Variants in CPQ observed in about 807,000 individuals in gnomAD.
CPQ encodes carboxypeptidase Q.
In CPQ, 37 loss-of-function variants were observed where a neutral mutation model predicts 45.7. The ratio of observed to expected loss-of-function variants is 0.81; its 90% CI spans 0.62 to 1.07. The LOEUF (loss-of-function observed/expected upper bound fraction) is 1.07, where lower values mean the gene tolerates loss of function less well. Among genes scored for constraint, CPQ ranks in the 50% least tolerant of loss-of-function variants. The pLI is 0.00. For missense variants in CPQ, 537 were observed against 572.9 expected (o/e 0.94, Z 0.64); for synonymous variants, 186 against 205.8 (o/e 0.90, Z 0.82).
intron 2 of CPQ, among the ~76,000 whole-genome samples, chr8:96,815,850 A>G (rs1470604686): frequency 6.6e-6 from 1 of 152,172 alleles, no homozygotes; most frequent in Non-Finnish European, 1.5e-5. Flanking sequence ...GTGTAATAGC[A>G]TTATGGCTAA....
intron 6 of CPQ, among the ~76,000 whole-genome samples, chr8:97,051,877 C>T (rs1363258234): frequency 6.6e-6 from 1 of 152,180 alleles, no homozygotes; most frequent in African/African-American, 2.4e-5. Context: ...TAGTGTCCAC[C>T]CCTCTCTGAG....
intron 7 of CPQ, among the ~76,000 whole-genome samples, chr8:97,133,784 C>A (rs1812001031): frequency 6.6e-6 from 1 of 152,068 alleles, no homozygotes; most frequent in African/African-American, 2.4e-5. Context: ...AAATCTGGGA[C>A]CTTTAATCAA....
intron 1 of CPQ, among the ~76,000 whole-genome samples, chr8:96,763,468 T>C (rs972323665): frequency 1.5e-4 from 23 of 152,134 alleles, no homozygotes; most frequent in Admixed American, 1.5e-3. Flanking sequence ...TGCTCTAATA[T>C]CATACTGTCT....
intron 2 of CPQ, among the ~76,000 whole-genome samples, chr8:96,827,802 A>G (rs1811398506): frequency 6.6e-6 from 1 of 152,058 alleles, no homozygotes; most frequent in South Asian, 2.1e-4. Context: ...AAGCCAGGGT[A>G]TATAGTGATA....
chr8:96,744,401 G>A (rs1024139155), intron 1 of CPQ, among the ~76,000 whole-genome samples: 1 of 152,208 alleles, frequency 6.6e-6, no homozygotes, highest in East Asian at 1.9e-4. Context: ...AGATGAACCC[G>A]GTACCTGAGA....
intron 7 of CPQ, among the ~76,000 whole-genome samples, chr8:97,134,856 T>C (rs1339151101): frequency 2.0e-5 from 3 of 152,178 alleles, no homozygotes; most frequent in African/African-American, 7.2e-5. Flanking sequence ...TTCAATGAAA[T>C]CATCTCCAGA....
chr8:96,844,475 C>CTTATGTA (rs1256726773), intron 3 of CPQ, among the ~76,000 whole-genome samples: 2 of 152,138 alleles, frequency 1.3e-5, no homozygotes, highest in Non-Finnish European at 2.9e-5. Flanking sequence ...GTTGGCTCTC[C>CTTATGTA]CATTTAGATG....
At chr8:96,991,556 A>C (rs1321735659) in intron 5 of CPQ, among the ~76,000 whole-genome samples, 17 of 4,604 alleles carry the variant, frequency 3.7e-3, no homozygotes, top group East Asian at 9.8e-3. Context: ...AGTCTGTCAT[A>C]ATAATAATAA....
intron 2 of CPQ, among the ~76,000 whole-genome samples, chr8:96,804,364 A>G (rs1032960593): frequency 6.6e-5 from 10 of 152,274 alleles, no homozygotes; most frequent in Admixed American, 2.6e-4. Flanking sequence ...TTAATCTGGT[A>G]TCTTTTAGTA....
At chr8:96,800,047 G>T (rs567958848) in intron 2 of CPQ, among the ~76,000 whole-genome samples, 3 of 152,228 alleles carry the variant, frequency 2.0e-5, no homozygotes, top group African/African-American at 4.8e-5. Context: ...TTTCTGTTCC[G>T]TGAAGGATAC....
chr8:97,094,681 T>C (rs1811182159), intron 7 of CPQ, among the ~76,000 whole-genome samples: 1 of 152,144 alleles, frequency 6.6e-6, no homozygotes, highest in South Asian at 2.1e-4. Context: ...ATTATTTATA[T>C]CCTATTGCTT....
chr8:96,776,605 G>A (rs778164382), intron 1 of CPQ, among the ~76,000 whole-genome samples: 1 of 152,046 alleles, frequency 6.6e-6, no homozygotes, highest in Non-Finnish European at 1.5e-5. Flanking sequence ...GAATCAAAGG[G>A]CTTTGTTTTG....
chr8:97,125,500 A>C (rs764999475), intron 7 of CPQ, among the ~76,000 whole-genome samples: 2 of 152,220 alleles, frequency 1.3e-5, no homozygotes, highest in African/African-American at 4.8e-5. Flanking sequence ...TAAGCAAATT[A>C]AATTCAGCCA....
rs79492378 is a variant in CPQ, at chr8:97,013,627, A to G, written c.962-15776A>G. ...ATAAGTTGAGAGAAAAAGAAAGGAC[A>G]AACCAGATGGCATAAATGGTGTGAG... On this transcript the variant is annotated intron_variant, in intron 5 of 7. Transcript: ENST00000220763. Among the ~76,000 whole-genome samples the G allele has an allele frequency of 2.8e-3, 423 of 152,318 alleles. 18 individuals are homozygous for G. The East Asian group carries it at 0.077, about 28-fold the overall frequency.
At position 97,097,845 on chromosome 8, in the gene CPQ, C is replaced by T. The variant is rs144446415; in HGVS notation, c.1255+31635C>T. ...GAGAAAGAAAGAACATGTAAATTTA[C>T]AAGAGAGGTTTCTGGAAGTACCACA... On this transcript the variant is annotated intron_variant, in intron 7 of 7. Transcript: ENST00000220763. Among the ~76,000 whole-genome samples, 16 of 152,212 alleles carry T rather than the reference C, an allele frequency of 1.1e-4. No homozygotes were observed. In the East Asian group the frequency reaches 3.1e-3, roughly 29 times the overall value.
chr8:96,938,943 A>T (rs1813088634), intron 4 of CPQ, among the ~76,000 whole-genome samples: 1 of 152,166 alleles, frequency 6.6e-6, no homozygotes, highest in Non-Finnish European at 1.5e-5. Context: ...TGTTAACACA[A>T]TTTGTCTTGA....
intron 7 of CPQ, among the ~76,000 whole-genome samples, chr8:97,121,801 G>C (rs777147458): frequency 6.6e-6 from 1 of 151,556 alleles, no homozygotes; most frequent in African/African-American, 2.4e-5. Flanking sequence ...AAAGAGAAAT[G>C]GAAACTATAG....
chr8:96,925,211 A>C (rs923981957), intron 4 of CPQ, among the ~76,000 whole-genome samples: 1 of 152,208 alleles, frequency 6.6e-6, no homozygotes, highest in Non-Finnish European at 1.5e-5. Context: ...TCTATCATTT[A>C]AGGCCCTGGC....
intron 5 of CPQ, 26 bp downstream of exon 5, chr8:96,966,072 A>C (rs939422422): frequency 6.7e-7 from 1 of 1,502,526 alleles, no homozygotes; most frequent in Non-Finnish European, 9.2e-7. Context: ...ATTGTTAACT[A>C]ATGTGTGAGG....
Sources: gnomAD v4.1 joint callset for allele counts (sites outside exome capture counted in the v4.1 genomes callset) on GRCh38, gnomAD v4.1.1 for gene constraint, MANE v1.5 for transcripts, NCBI Gene and HGNC (gene_info 2026-07-23, HGNC 2026-07-21) for gene names.